The following DPYSL3 variants were observed in gnomAD, a reference collection of about 807,000 sequenced individuals.
DPYSL3 encodes dihydropyrimidinase-related protein 3.
In DPYSL3, 16 loss-of-function variants were observed where a neutral mutation model predicts 66.1. That is an observed-to-expected ratio of 0.24 (90% CI 0.16 to 0.37). The LOEUF (loss-of-function observed/expected upper bound fraction) is 0.37. DPYSL3 is among the 10% of genes least tolerant of loss of function. The pLI, the probability that DPYSL3 is intolerant of heterozygous loss-of-function variation, is 1.00. For missense variants in DPYSL3, 738 were observed against 916.2 expected, an observed-to-expected ratio of 0.81 and a Z score of 2.51; for synonymous variants, 338 against 345.1, an observed-to-expected ratio of 0.98 and a Z score of 0.23.
chr5:147,498,932 C>A (rs940196584), intron 1 of DPYSL3, among the ~76,000 whole-genome samples: 1 of 152,018 alleles, frequency 6.6e-6, no homozygotes, highest in Admixed American at 6.6e-5. Context: ...TTAATTAGAT[C>A]CCATTTATTA....
chr5:147,493,746 T>C (rs1364681757), intron 1 of DPYSL3, among the ~76,000 whole-genome samples: 1 of 152,144 alleles, frequency 6.6e-6, no homozygotes, highest in Non-Finnish European at 1.5e-5. Context: ...AGATGAACTG[T>C]TCAACAAGAG....
chr5:147,434,827 C>A (rs949075600), intron 1 of DPYSL3, among the ~76,000 whole-genome samples: 1 of 152,130 alleles, frequency 6.6e-6, no homozygotes, highest in Non-Finnish European at 1.5e-5. Flanking sequence ...CTAGACGATA[C>A]TGCAATGATA....
chr5:147,411,090 C>A (rs1242196294), intron 6 of DPYSL3, among the ~76,000 whole-genome samples: 1 of 152,206 alleles, frequency 6.6e-6, no homozygotes, highest in African/African-American at 2.4e-5. Context: ...GCTGGGACCT[C>A]TGGCTGCTGC....
rs766266237 is a variant in DPYSL3, at chr5:147,424,866, T to C, written c.470+9A>G. 1.9e-6 allele frequency: 3 copies of C among 1,590,946 alleles called. No individual in the cohort carries two copies. Among genetic ancestry groups the C allele is most frequent in the Non-Finnish European group, 2.6e-6 (3 of 1,161,942 alleles). On this transcript the variant is annotated intron_variant, in intron 2 of 13. Transcript: ENST00000343218. Reference sequence around the variant, plus strand: ...CAAAACAATAAAGAGAAGAATTCCATATACATACTTTATTAAGCCATCTTC... The same window carrying C: ...CAAAACAATAAAGAGAAGAATTCCACATACATACTTTATTAAGCCATCTTC...
intron 1 of DPYSL3, among the ~76,000 whole-genome samples, chr5:147,501,852 G>T (rs1441632955): frequency 6.6e-6 from 1 of 152,044 alleles, no homozygotes; most frequent in African/African-American, 2.4e-5. Context: ...CAGTGAAGGA[G>T]GCTGTGTGTT....
At chr5:147,410,843 A>G (rs1751837145) in intron 6 of DPYSL3, among the ~76,000 whole-genome samples, 1 of 152,164 alleles carries the variant, frequency 6.6e-6, no homozygotes, top group Non-Finnish European at 1.5e-5. Context: ...AATTTAATAA[A>G]CACACACAAT....
At chr5:147,412,497 G>T (rs773733335) in intron 6 of DPYSL3, 111 bp downstream of exon 6, 24 of 1,060,386 alleles carry the variant, frequency 2.3e-5, no homozygotes, top group Non-Finnish European at 3.1e-5. Context: ...CTTTAGCAAG[G>T]TACTTATGAT....
chr5:147,458,629 A>T (rs1752887410), intron 1 of DPYSL3, among the ~76,000 whole-genome samples: 1 of 152,196 alleles, frequency 6.6e-6, no homozygotes, highest in African/African-American at 2.4e-5. Context: ...TTCCGGTAAT[A>T]GCAGCAGTAA....
intron 1 of DPYSL3, among the ~76,000 whole-genome samples, chr5:147,507,913 C>G (rs1240291068): frequency 6.6e-6 from 1 of 152,160 alleles, no homozygotes; most frequent in Non-Finnish European, 1.5e-5. Context: ...GGGAATAGCA[C>G]TGACTCACAG....
intron 6 of DPYSL3, among the ~76,000 whole-genome samples, chr5:147,409,882 G>A (rs1287182319): frequency 6.6e-6 from 1 of 152,152 alleles, no homozygotes; most frequent in African/African-American, 2.4e-5. Context: ...TTACCACCTG[G>A]AAAAGAACGT....
intron 1 of DPYSL3, among the ~76,000 whole-genome samples, chr5:147,479,752 A>T (rs764279413): frequency 1.3e-5 from 2 of 152,174 alleles, no homozygotes; most frequent in African/African-American, 4.8e-5. Flanking sequence ...TGGCCTGATA[A>T]TCCCTGAAGC....
chr5:147,503,411 A>T (rs987298059), intron 1 of DPYSL3, among the ~76,000 whole-genome samples: 7 of 152,082 alleles, frequency 4.6e-5, no homozygotes, highest in African/African-American at 1.4e-4. Context: ...CTCTTACCTC[A>T]GCCTCCTGGG....
intron 1 of DPYSL3, among the ~76,000 whole-genome samples, chr5:147,500,581 T>C (rs1168396780): frequency 1.5e-5 from 2 of 135,058 alleles, no homozygotes; most frequent in Non-Finnish European, 3.1e-5. Context: ...ACCACTACAC[T>C]CCAGCCTGGG....
chr5:147,414,723 T>C (rs1242770753), intron 4 of DPYSL3, among the ~76,000 whole-genome samples: 1 of 152,212 alleles, frequency 6.6e-6, no homozygotes, highest in African/African-American at 2.4e-5. Flanking sequence ...TCACATTCTG[T>C]GTCACCAAAG....
chr5:147,440,642 T>A (rs1330890941), intron 1 of DPYSL3, among the ~76,000 whole-genome samples: 1 of 152,254 alleles, frequency 6.6e-6, no homozygotes, highest in African/African-American at 2.4e-5. Context: ...TACTGAAATC[T>A]AATTATGCTA....
At position 147,510,059 on chromosome 5, in the gene DPYSL3, G is replaced by C. The variant is rs1753738096; in HGVS notation, c.-201C>G. The C allele has an allele frequency of 5.7e-6, 5 of 870,718 alleles. No individual in the cohort carries two copies. The South Asian group carries it at 1.0e-4, about 18-fold the overall frequency. 53.9% of individuals were successfully genotyped at this position (870,718 alleles called of 1,614,324 possible). ...ACAGCCAGCTAGCGCGCGGAGCAGG[G>C]GCCCAGAGTAGCGCCGCGCTTGGCT... On this transcript the variant is annotated 5_prime_UTR_variant, in exon 1 of 14. Transcript: ENST00000343218.
At chr5:147,424,820 C>A (rs1752165418) in intron 2 of DPYSL3, 55 bp downstream of exon 2, 5 of 1,278,312 alleles carry the variant, frequency 3.9e-6, no homozygotes, top group Non-Finnish European at 5.6e-6. Flanking sequence ...CCTTTATGAG[C>A]CATTAATGAA....
Position 147,504,263 on chromosome 5 carries a change from A to G in DPYSL3, c.381+5215T>C, listed in dbSNP as rs1232841748. Among the ~76,000 whole-genome samples, 6 of 152,338 alleles carry G rather than the reference A, an allele frequency of 3.9e-5. No individual in the cohort carries two copies. The East Asian group carries it at 9.7e-4, about 25-fold the overall frequency. On this transcript the variant is annotated intron_variant, in intron 1 of 13. Transcript: ENST00000343218. ...GAGCTGTCAGCAAAACCCTGTCTCC[A>G]GGGACCATTACTTTGAGGGAACTCT...
Position 147,394,071 on chromosome 5 carries a change from G to A in DPYSL3, c.2019C>T (p.Pro673=), listed in dbSNP as rs933380784. The A allele has an allele frequency of 6.2e-7, 1 of 1,614,188 alleles. No homozygotes were observed. Among genetic ancestry groups the A allele is most frequent in the African/African-American group, 1.3e-5 (1 of 75,048 alleles). ...VRSASKRIVA[P]PGGRSNITSL... ...ATGTGATATTAGAACGGCCGCCTGG[G>A]GGCGCCACGATGCGCTTGCTGGCTG... The change falls in exon 14 of 14, where the codon CCC becomes CCT. Residue 673 remains proline (P), a synonymous_variant. Transcript: ENST00000343218.
Sources: allele counts gnomAD v4.1 joint callset (sites outside exome capture counted in the v4.1 genomes callset), GRCh38; gene constraint gnomAD v4.1.1; transcripts MANE v1.5; gene names NCBI Gene and HGNC (gene_info 2026-07-23, HGNC 2026-07-21).